The following RFTN1 variants were observed in gnomAD, a reference collection of about 807,000 sequenced individuals.
RFTN1 encodes raftlin.
A neutral mutation model predicts 46.5 loss-of-function variants in RFTN1; 26 were observed. The ratio of observed to expected loss-of-function variants is 0.56; its 90% CI spans 0.41 to 0.78. The LOEUF (loss-of-function observed/expected upper bound fraction) is 0.78, where lower values mean the gene tolerates loss of function less well. RFTN1 is among the 30% of genes least tolerant of loss of function. The pLI is 0.00. For missense variants in RFTN1, 693 were observed against 718.7 expected (o/e 0.96, Z 0.41); for synonymous variants, 261 against 284.2 (o/e 0.92, Z 0.82).
chr3:16,362,667 T>C (rs1041442606), intron 6 of RFTN1, among the ~76,000 whole-genome samples: 6 of 152,208 alleles, frequency 3.9e-5, no homozygotes, highest in African/African-American at 1.4e-4. Context: ...AAATAAGTTA[T>C]ATCAAATTTC....
chr3:16,396,268 C>CT (rs1559320975), intron 4 of RFTN1, among the ~76,000 whole-genome samples: 1 of 152,062 alleles, frequency 6.6e-6, no homozygotes, highest in African/African-American at 2.4e-5. Context: ...ACCAGTGCAT[C>CT]TTTTTTTAAA....
In RFTN1 at chr3:16,413,250, G is replaced by A. The variant is rs575707336; in HGVS notation, c.333-3767C>T. 1.2e-4 allele frequency among the ~76,000 whole-genome samples: 18 copies of A among 152,264 alleles called. No homozygotes were observed. Among genetic ancestry groups the A allele is most frequent in the Non-Finnish European group, 2.1e-4 (14 of 68,052 alleles). On this transcript the variant is annotated intron_variant, in intron 3 of 9. Transcript: ENST00000334133. This position sits in a 1 kb window ranked among gnomAD's most constrained non-coding sequence, Gnocchi z 4.7. ...AGACATCTGAAAGCAGCTCCATCAG[G>A]TGAGGAGTGTTCTGTGTCCCTGAGG...
At chr3:16,363,282 T>C (rs1021776829) in intron 6 of RFTN1, among the ~76,000 whole-genome samples, 1 of 152,118 alleles carries the variant, frequency 6.6e-6, no homozygotes, top group Non-Finnish European at 1.5e-5. Flanking sequence ...TGGGTATAAA[T>C]AGGTTTATCT....
rs2074937442 is a variant in RFTN1 at position 16,409,464 on chromosome 3, G to A, written c.352C>T (p.His118Tyr). The change falls in exon 4 of 10, where the codon CAC becomes TAC. Residue 118 changes from histidine to tyrosine, a missense_variant. His to Tyr is a moderately conservative substitution (Grantham distance 83). Transcript: ENST00000334133. ...KTDRSQKTDL[H>Y]NEGYILELDC... ...AATTCCAAGATGTAGCCTTCATTGT[G>A]AAGATCAGTTTTCTGAGATCTGAAG... The A allele has an allele frequency of 6.2e-7, 1 of 1,612,098 alleles. No individual in the cohort carries two copies.
chr3:16,378,012 C>G lies in RFTN1; in HGVS notation c.532G>C (p.Val178Leu). ...SVNSAGSSAP[V>L]STANSTEDAR... ...TCCTCGGTGCTGTTGGCAGTAGACA[C>G]CGGAGCACTGCTGCCTGCCGAGTTC... is the stretch of plus-strand genomic sequence containing the variant. Residue 178 changes from valine to leucine, a missense_variant, in exon 5 of 10, where the codon GTG becomes CTG. Physicochemically the swap from Val to Leu is conservative, Grantham distance 32 (BLOSUM62 1). Coordinates refer to ENST00000334133, the MANE Select transcript of RFTN1 (RefSeq NM_015150.2). The G allele has an allele frequency of 6.2e-7, 1 of 1,614,258 alleles. No individual in the cohort carries two copies.
rs2076674532 is a variant in RFTN1, at chr3:16,499,407, G to C, written c.-8-5530C>G. 6.6e-6 allele frequency among the ~76,000 whole-genome samples: 1 copy of C among 152,328 alleles called. No individual in the cohort carries two copies. Among genetic ancestry groups the C allele is most frequent in the South Asian group, 2.1e-4 (1 of 4,826 alleles). ...TTGGGGTGCCTGCTCGTGGAATCCAGCCACCATGCCATGAGGAAGCTCAAG... is the reference window on the plus strand; with the variant it reads ...TTGGGGTGCCTGCTCGTGGAATCCACCCACCATGCCATGAGGAAGCTCAAG... On this transcript the variant is annotated intron_variant, in intron 1 of 9. Transcript: ENST00000334133. This position sits in a 1 kb window ranked among gnomAD's most constrained non-coding sequence, Gnocchi z 4.9.
At chr3:16,486,404 T>A (rs984261220) in intron 2 of RFTN1, among the ~76,000 whole-genome samples, 1 of 152,154 alleles carries the variant, frequency 6.6e-6, no homozygotes, top group Non-Finnish European at 1.5e-5. Context: ...AGACCTTTCA[T>A]CATCTGGCCC....
At position 16,322,117 on chromosome 3, in the gene RFTN1, G is replaced by A. The variant is rs1452428091; in HGVS notation, c.1332+1259C>T. Among the ~76,000 whole-genome samples, 1 of 152,238 alleles carries A rather than the reference G, an allele frequency of 6.6e-6. No homozygotes were observed. Among genetic ancestry groups the A allele is most frequent in the African/African-American group, 2.4e-5 (1 of 41,456 alleles). On this transcript the variant is annotated intron_variant, in intron 9 of 9. Coordinates refer to ENST00000334133, the MANE Select transcript of RFTN1 (RefSeq NM_015150.2). This position sits in a 1 kb window ranked among gnomAD's most constrained non-coding sequence, Gnocchi z 6.2. ...GCAGTTCCCGTGAGCCTGTGGCTGAGCTGAAACTGACAGCGCTCTGCAGCC... is the reference window on the plus strand; with the variant it reads ...GCAGTTCCCGTGAGCCTGTGGCTGAACTGAAACTGACAGCGCTCTGCAGCC...
chr3:16,334,697 A>G lies in RFTN1; in HGVS notation c.1147-7821T>C, dbSNP rs1308381114. ...TGTCCAGGAGGCAACTAAATGAAAC[A>G]GCCTGTGGTAGACAGAATAATGGCC... On this transcript the variant is annotated intron_variant, in intron 7 of 9. Transcript: ENST00000334133. The surrounding 1 kb of genome is among the most constrained non-coding windows in gnomAD (Gnocchi z 4.3). Among the ~76,000 whole-genome samples the G allele has an allele frequency of 6.6e-6, 1 of 152,240 alleles. No individual in the cohort carries two copies. Among genetic ancestry groups the G allele is most frequent in the Non-Finnish European group, 1.5e-5 (1 of 68,038 alleles).
intron 6 of RFTN1, 131 bp from the exon 7 acceptor site, chr3:16,358,178 T>A (rs1575115978): frequency 1.6e-6 from 1 of 631,470 alleles, no homozygotes. Flanking sequence ...GCATGTTAAT[T>A]AAAGAAGGCA....
intron 2 of RFTN1, 98 bp downstream of exon 2, chr3:16,493,627 C>G (rs73146245): frequency 1.7e-6 from 2 of 1,155,358 alleles, no homozygotes; most frequent in African/African-American, 1.5e-5. Context: ...TTCTTCACAG[C>G]CCCCACCCCA....
At chr3:16,389,992 G>A (rs542127147) in intron 4 of RFTN1, among the ~76,000 whole-genome samples, 9 of 152,274 alleles carry the variant, frequency 5.9e-5, no homozygotes, top group African/African-American at 1.9e-4. Context: ...CTGTCGAGAG[G>A]CCTACAGCCA....
Position 16,316,871 on chromosome 3 carries a change from TC to T in RFTN1, c.1693del (p.Asp565MetfsTer25), listed in dbSNP as rs776537900. ...ACCAAGCTCTCTGACTTCCTCAGCA[TC>T]CCCGTCCCTGGCATCCTCTCCAGGA... is the stretch of plus-strand genomic sequence containing the variant. ...SNPGEDARDG[D>X]AEEVRELGTV... On this transcript the variant is annotated frameshift_variant, in exon 10 of 10. Transcript: ENST00000334133. LOFTEE classifies it low-confidence loss of function (END_TRUNC). The surrounding 1 kb of genome is among the most constrained non-coding windows in gnomAD (Gnocchi z 4.5). 6.2e-7 allele frequency: 1 copy of T among 1,614,142 alleles called. No homozygotes were observed. The highest frequency in any genetic ancestry group is 8.5e-7 in the Non-Finnish European group (1 of 1,180,018).
chr3:16,345,856 A>G lies in RFTN1; in HGVS notation c.1146+12076T>C, dbSNP rs532818186. ...CGCGCACGCGCACATGTGCATGTGTATGTGTATAATCTCCTACTGGTTCTG... is the reference window on the plus strand; with the variant it reads ...CGCGCACGCGCACATGTGCATGTGTGTGTGTATAATCTCCTACTGGTTCTG... On this transcript the variant is annotated intron_variant, in intron 7 of 9. Coordinates refer to ENST00000334133, the MANE Select transcript of RFTN1 (RefSeq NM_015150.2). The surrounding 1 kb of genome is among the most constrained non-coding windows in gnomAD (Gnocchi z 5.2). Among the ~76,000 whole-genome samples, 1,077 of 41,388 alleles carry G rather than the reference A, an allele frequency of 0.026. 8 individuals are homozygous for G. The highest frequency in any genetic ancestry group is 0.074 in the African/African-American group (498 of 6,702). 27.2% of individuals were successfully genotyped at this position (41,388 alleles called of 152,430 possible). A position where few individuals can be genotyped will look rare whatever the true frequency, so the allele number is the denominator to read the frequency against.
chr3:16,350,408 AT>A (rs1158749846), intron 7 of RFTN1: 2 of 152,170 alleles, frequency 1.3e-5, no homozygotes, highest in Non-Finnish European at 2.9e-5. Context: ...GGGCGTGGGC[AT>A]TTCAAATTGT....
chr3:16,367,310 A>T (rs1326149401), intron 6 of RFTN1, among the ~76,000 whole-genome samples: 1 of 152,200 alleles, frequency 6.6e-6, no homozygotes, highest in Non-Finnish European at 1.5e-5. Flanking sequence ...CTGGGAAAAG[A>T]TCACACACGT....
In RFTN1 at chr3:16,418,067, T is replaced by G; in HGVS notation, c.333-8584A>C. Reference sequence around the variant, plus strand: ...CTCACAGTGGTGGGACCTAACCCTTTCCTAAGACATTAAAATAGCATTGTT... The same window carrying G: ...CTCACAGTGGTGGGACCTAACCCTTGCCTAAGACATTAAAATAGCATTGTT... On this transcript the variant is annotated intron_variant, in intron 3 of 9. Transcript: ENST00000334133. The surrounding 1 kb of genome is among the most constrained non-coding windows in gnomAD (Gnocchi z 5.0). 6.6e-6 allele frequency among the ~76,000 whole-genome samples: 1 copy of G among 152,148 alleles called. No homozygotes were observed. Among genetic ancestry groups the G allele is most frequent in the East Asian group, 1.9e-4 (1 of 5,196 alleles).
chr3:16,343,578 A>G (rs1385950905), intron 7 of RFTN1, among the ~76,000 whole-genome samples: 1 of 152,210 alleles, frequency 6.6e-6, no homozygotes, highest in Admixed American at 6.5e-5. Context: ...GGTGGAACCT[A>G]AGACTCTAAG....
rs929314126 is a variant in RFTN1, at chr3:16,481,731, T to C, written c.145+11994A>G. Among the ~76,000 whole-genome samples, 13 of 152,174 alleles carry C rather than the reference T, an allele frequency of 8.5e-5. No homozygotes were observed. The highest frequency in any genetic ancestry group is 1.3e-4 in the Non-Finnish European group (9 of 68,026). On this transcript the variant is annotated intron_variant, in intron 2 of 9. Transcript: ENST00000334133. The surrounding 1 kb of genome is among the most constrained non-coding windows in gnomAD (Gnocchi z 5.1). The stretch of plus-strand genomic sequence containing the variant: ...GGTCAGGAGAAACTGTTTAATCTAA[T>C]AGTCTGGAAATTATATTGGAAGAAA...
Sources: gnomAD v4.1 joint callset for allele counts (sites outside exome capture counted in the v4.1 genomes callset) on GRCh38, gnomAD v4.1.1 for gene constraint, Gnocchi (gnomAD v3.1) non-coding constraint, MANE v1.5 for transcripts, NCBI Gene and HGNC (gene_info 2026-07-23, HGNC 2026-07-21) for gene names.